Variants in GUCY1A2 observed in about 807,000 individuals in gnomAD.
GUCY1A2 encodes the protein guanylate cyclase soluble subunit alpha-2.
In GUCY1A2, 27 loss-of-function variants were observed where a neutral mutation model predicts 63.5. The ratio of observed to expected loss-of-function variants is 0.43; its 90% CI spans 0.31 to 0.59. GUCY1A2 has a LOEUF of 0.59. Ranked by LOEUF, GUCY1A2 falls within the 20% of genes least tolerant of loss-of-function variation. The pLI, the probability that GUCY1A2 is intolerant of heterozygous loss-of-function variation, is 0.11. For synonymous variants in GUCY1A2, 364 were observed against 343.5 expected (o/e 1.06, Z -0.66); for missense variants, 768 against 913.3 (o/e 0.84, Z 2.05).
At position 106,870,160 on chromosome 11, in the gene GUCY1A2, C is replaced by T. The variant is rs560279289; in HGVS notation, c.1207-59682G>A. Among the ~76,000 whole-genome samples the T allele has an allele frequency of 2.1e-4, 31 of 150,466 alleles. 1 individual carries two copies. Among genetic ancestry groups the T allele is most frequent in the Middle Eastern group, 3.5e-3 (1 of 284 alleles). ...TAGGAGATATAACTAATGTAAATGACGAGTTAATGGGTGTTGCACACCAAC... is the reference window on the plus strand; with the variant it reads ...TAGGAGATATAACTAATGTAAATGATGAGTTAATGGGTGTTGCACACCAAC... On this transcript the variant is annotated intron_variant, in intron 4 of 7. Transcript: ENST00000526355.
chr11:107,001,251 T>G (rs1861608804), intron 1 of GUCY1A2, among the ~76,000 whole-genome samples: 1 of 152,226 alleles, frequency 6.6e-6, no homozygotes, highest in South Asian at 2.1e-4. Context: ...CCCAAATAAC[T>G]GAGACATCTC....
At chr11:106,839,677 C>T (rs1859169051) in intron 4 of GUCY1A2, among the ~76,000 whole-genome samples, 1 of 151,698 alleles carries the variant, frequency 6.6e-6, no homozygotes, top group African/African-American at 2.4e-5. Context: ...TACTATGCAG[C>T]CATAAAAAAG....
chr11:106,749,434 G>T (rs748012445), intron 6 of GUCY1A2, among the ~76,000 whole-genome samples: 1 of 152,040 alleles, frequency 6.6e-6, no homozygotes, highest in Non-Finnish European at 1.5e-5. Flanking sequence ...TCCCTCTGCT[G>T]CTCCACCTCA....
intron 6 of GUCY1A2, among the ~76,000 whole-genome samples, chr11:106,764,497 T>A (rs1427668727): frequency 6.6e-6 from 1 of 152,116 alleles, no homozygotes; most frequent in African/African-American, 2.4e-5. Flanking sequence ...TTCCCATTTA[T>A]AAATAGAGAT....
At chr11:106,983,795 A>G (rs1400928424) in intron 2 of GUCY1A2, among the ~76,000 whole-genome samples, 1 of 152,184 alleles carries the variant, frequency 6.6e-6, no homozygotes, top group East Asian at 1.9e-4. Flanking sequence ...CCTGCCAAAA[A>G]ATAACTAAAA....
intron 5 of GUCY1A2, among the ~76,000 whole-genome samples, chr11:106,807,990 T>C (rs1858714645): frequency 6.6e-6 from 1 of 152,310 alleles, no homozygotes; most frequent in Admixed American, 6.5e-5. Context: ...TTTGAGGTTT[T>C]GGAACTCGGA....
At chr11:106,974,604 T>C (rs902989510) in intron 3 of GUCY1A2, among the ~76,000 whole-genome samples, 1 of 152,114 alleles carries the variant, frequency 6.6e-6, no homozygotes, top group Admixed American at 6.6e-5. Context: ...TCAGGATCCC[T>C]GATACTAAGA....
intron 2 of GUCY1A2, among the ~76,000 whole-genome samples, chr11:106,981,320 A>T (rs1284964371): frequency 6.6e-6 from 1 of 152,120 alleles, no homozygotes; most frequent in East Asian, 1.9e-4. Context: ...AGAAAAAGAG[A>T]ACAGAAGGTT....
intron 6 of GUCY1A2, among the ~76,000 whole-genome samples, chr11:106,709,440 A>T: frequency 1.5e-5 from 1 of 67,468 alleles, no homozygotes; most frequent in South Asian, 3.3e-4. Flanking sequence ...AGTATATATA[A>T]TAATATATAT....
intron 4 of GUCY1A2, among the ~76,000 whole-genome samples, chr11:106,813,830 G>C (rs1277277223): frequency 2.0e-5 from 3 of 152,066 alleles, no homozygotes; most frequent in African/African-American, 7.2e-5. Context: ...ACATCTGTGA[G>C]TACTTGCTAT....
intron 4 of GUCY1A2, among the ~76,000 whole-genome samples, chr11:106,840,406 A>G (rs1462953760): frequency 1.3e-5 from 2 of 151,982 alleles, no homozygotes; most frequent in African/African-American, 4.8e-5. Context: ...AAACGCTTCT[A>G]GCTCAAGAGG....
At chr11:106,794,014 G>A (rs1346576435) in intron 5 of GUCY1A2, among the ~76,000 whole-genome samples, 1 of 152,110 alleles carries the variant, frequency 6.6e-6, no homozygotes, top group African/African-American at 2.4e-5. Flanking sequence ...CAAAGGAAAT[G>A]AAATCAGGAT....
chr11:106,930,723 TAAGAA>T (rs1482862351), intron 4 of GUCY1A2, among the ~76,000 whole-genome samples: 2 of 152,260 alleles, frequency 1.3e-5, no homozygotes, highest in East Asian at 3.9e-4. Flanking sequence ...AACAAAATAA[TAAGAA>T]AAGAAACCTA....
chr11:107,001,682 T>TA (rs11402662), intron 1 of GUCY1A2, among the ~76,000 whole-genome samples: 8,500 of 150,414 alleles, frequency 0.057, 701 homozygotes, highest in African/African-American at 0.19. Flanking sequence ...GTGGTATACT[T>TA]AAAAAAAAAA....
At chr11:106,822,297 T>C (rs77963440) in intron 4 of GUCY1A2, among the ~76,000 whole-genome samples, 495 of 152,340 alleles carry the variant, frequency 3.2e-3, no homozygotes, top group Non-Finnish European at 5.8e-3. Context: ...ATTAAAATTT[T>C]AATTGACCAT....
intron 4 of GUCY1A2, among the ~76,000 whole-genome samples, chr11:106,930,222 C>A (rs780693093): frequency 5.3e-5 from 8 of 152,216 alleles, no homozygotes; most frequent in Admixed American, 3.3e-4. Flanking sequence ...GAGAGGCCCA[C>A]TGACTATGAG....
intron 3 of GUCY1A2, among the ~76,000 whole-genome samples, chr11:106,970,885 G>A (rs1260357051): frequency 6.6e-6 from 1 of 151,670 alleles, no homozygotes; most frequent in African/African-American, 2.4e-5. Context: ...TTTTTCAGGG[G>A]GGTGGGGGGA....
chr11:106,984,952 T>C (rs1861382751), intron 2 of GUCY1A2, among the ~76,000 whole-genome samples: 1 of 152,228 alleles, frequency 6.6e-6, no homozygotes, highest in Admixed American at 6.5e-5. Context: ...TGACAAAGTT[T>C]CAAAGCAATT....
Position 106,939,915 on chromosome 11 carries a change from G to A in GUCY1A2, c.751C>T (p.Leu251=). ...TTTCCTGCAGCCTTAATCATCCCCA[G>A]CATTGCAAACCCCACAATATGGTGA... ...HPHHIVGFAM[L]GMIKAAGKKI... is the part of the protein sequence containing the mutation. The change falls in exon 4 of 8, where the codon CTG becomes TTG. Residue 251 remains leucine (L), a synonymous_variant. Transcript: ENST00000526355. 6.2e-7 allele frequency: 1 copy of A among 1,614,020 alleles called. No homozygotes were observed.
Sources: allele counts gnomAD v4.1 joint callset (sites outside exome capture counted in the v4.1 genomes callset), GRCh38; gene constraint gnomAD v4.1.1; transcripts MANE v1.5; gene names NCBI Gene and HGNC (gene_info 2026-07-23, HGNC 2026-07-21).